Variants in GABBR2 observed in about 807,000 individuals in gnomAD.
GABBR2 encodes gamma-aminobutyric acid type B receptor subunit 2, also known as G-protein coupled receptor 51.
Under a neutral mutation model 105.6 loss-of-function variants are expected in GABBR2, and 23 were observed. The ratio of observed to expected loss-of-function variants is 0.22; its 90% confidence interval spans 0.16 to 0.31. The LOEUF (loss-of-function observed/expected upper bound fraction) is 0.31. Ranked by LOEUF, GABBR2 falls within the 10% of genes least tolerant of loss-of-function variation. GABBR2 has a pLI of 1.00. For synonymous variants in GABBR2, 478 were observed against 499.7 expected (o/e 0.96, Z 0.58); for missense variants, 734 against 1,245.5 (o/e 0.59, Z 6.18).
intron 7 of GABBR2, among the ~76,000 whole-genome samples, chr9:98,446,567 G>T (rs4743228): frequency 0.046 from 7,041 of 152,256 alleles, 224 homozygotes; most frequent in East Asian, 0.15. Context: ...AGAATGGAGG[G>T]AGAGAGATTA....
chr9:98,691,661 T>C (rs1319261817), intron 1 of GABBR2, among the ~76,000 whole-genome samples: 1 of 152,206 alleles, frequency 6.6e-6, no homozygotes, highest in Non-Finnish European at 1.5e-5. Flanking sequence ...CCACAGTGTC[T>C]CTTGCGGTCA....
intron 1 of GABBR2, among the ~76,000 whole-genome samples, chr9:98,631,238 G>A (rs1829812582): frequency 6.6e-6 from 1 of 152,046 alleles, no homozygotes; most frequent in Non-Finnish European, 1.5e-5. Flanking sequence ...AGCAGCACAG[G>A]GTACAAAGTC....
At chr9:98,624,346 G>C (rs796372794) in intron 1 of GABBR2, among the ~76,000 whole-genome samples, 5 of 152,050 alleles carry the variant, frequency 3.3e-5, no homozygotes, top group African/African-American at 7.2e-5. Flanking sequence ...AGTGGGTCCT[G>C]TGGACCTGCC....
intron 3 of GABBR2, among the ~76,000 whole-genome samples, chr9:98,525,358 A>G (rs370989419): frequency 6.6e-6 from 1 of 152,360 alleles, no homozygotes. Flanking sequence ...TTGAATAGGC[A>G]TATCTCCAAA....
chr9:98,474,316 C>A (rs895000822), intron 5 of GABBR2, among the ~76,000 whole-genome samples: 3 of 152,138 alleles, frequency 2.0e-5, no homozygotes, highest in Non-Finnish European at 4.4e-5. Flanking sequence ...TGCACCCCTA[C>A]TTGACTCTAA....
intron 2 of GABBR2, among the ~76,000 whole-genome samples, chr9:98,560,280 T>C (rs964593285): frequency 6.6e-6 from 1 of 151,848 alleles, no homozygotes; most frequent in Admixed American, 6.6e-5. Flanking sequence ...TCTAATAGAG[T>C]CACATGGAGA....
chr9:98,404,060 C>T (rs1249213258), intron 8 of GABBR2, among the ~76,000 whole-genome samples: 3 of 149,602 alleles, frequency 2.0e-5, no homozygotes, highest in African/African-American at 4.9e-5. Flanking sequence ...TTAAACCTAA[C>T]GTATGAAAAA....
intron 1 of GABBR2, among the ~76,000 whole-genome samples, chr9:98,618,283 A>T (rs2778914): frequency 0.93 from 141,214 of 152,222 alleles, 65,590 homozygotes; most frequent in Middle Eastern, 0.96. Context: ...TAATTACTAG[A>T]CTTGTGCCCT....
intron 1 of GABBR2, among the ~76,000 whole-genome samples, chr9:98,690,891 G>A (rs549529522): frequency 1.3e-5 from 2 of 152,324 alleles, no homozygotes; most frequent in African/African-American, 4.8e-5. Flanking sequence ...GTCAGCACCA[G>A]CCTTCTGCCC....
intron 13 of GABBR2, among the ~76,000 whole-genome samples, chr9:98,341,004 G>T (rs990717035): frequency 2.0e-5 from 3 of 152,232 alleles, no homozygotes; most frequent in African/African-American, 7.2e-5. Flanking sequence ...AAGAGTTCCT[G>T]GACAGGTAGA....
At chr9:98,576,850 T>A (rs1422331118) in intron 2 of GABBR2, among the ~76,000 whole-genome samples, 2 of 152,128 alleles carry the variant, frequency 1.3e-5, no homozygotes. Context: ...CAGCATTGTA[T>A]CCCCAGTGTG....
intron 8 of GABBR2, among the ~76,000 whole-genome samples, chr9:98,394,569 T>C (rs932582432): frequency 2.0e-5 from 3 of 152,228 alleles, no homozygotes; most frequent in Non-Finnish European, 2.9e-5. Context: ...CTGAAATGTT[T>C]CCCTGTAACA....
intron 5 of GABBR2, among the ~76,000 whole-genome samples, chr9:98,475,017 G>C (rs140688228): frequency 1.5e-4 from 23 of 152,036 alleles, no homozygotes; most frequent in African/African-American, 5.5e-4. Flanking sequence ...CCATTGGTTC[G>C]GCAAGGTATC....
chr9:98,326,973 G>A (rs1312100482), intron 13 of GABBR2, among the ~76,000 whole-genome samples: 1 of 152,232 alleles, frequency 6.6e-6, no homozygotes, highest in African/African-American at 2.4e-5. Context: ...CTGAATCTGG[G>A]TCTGTGTGAT....
chr9:98,605,450 C>A (rs1284045524), intron 1 of GABBR2, among the ~76,000 whole-genome samples: 1 of 152,224 alleles, frequency 6.6e-6, no homozygotes, highest in Non-Finnish European at 1.5e-5. Flanking sequence ...TCTCACCTGC[C>A]TTACAGAGCT....
At chr9:98,594,657 T>C (rs1270724992) in intron 1 of GABBR2, among the ~76,000 whole-genome samples, 1 of 152,182 alleles carries the variant, frequency 6.6e-6, no homozygotes, top group African/African-American at 2.4e-5. Context: ...TGGCAAAATC[T>C]GAAGAGCAGC....
intron 6 of GABBR2, among the ~76,000 whole-genome samples, chr9:98,469,343 A>G (rs1826621704): frequency 6.6e-6 from 1 of 152,192 alleles, no homozygotes; most frequent in African/African-American, 2.4e-5. Flanking sequence ...CTCATTCACT[A>G]TCACAAGAAC....
At chr9:98,348,781 A>G (rs1376361848) in intron 13 of GABBR2, among the ~76,000 whole-genome samples, 1 of 152,192 alleles carries the variant, frequency 6.6e-6, no homozygotes, top group African/African-American at 2.4e-5. Context: ...TCTATCCTAC[A>G]ACTTTACTGA....
At chr9:98,570,260 C>G (rs1044152773) in intron 2 of GABBR2, among the ~76,000 whole-genome samples, 14 of 152,172 alleles carry the variant, frequency 9.2e-5, no homozygotes, top group African/African-American at 3.4e-4. Context: ...GGTGGGCTGT[C>G]GAGGGGCGGC....
Sources: gnomAD v4.1 joint callset for allele counts (sites outside exome capture counted in the v4.1 genomes callset) on GRCh38, gnomAD v4.1.1 for gene constraint, MANE v1.5 for transcripts, NCBI Gene and HGNC (gene_info 2026-07-23, HGNC 2026-07-21) for gene names.